Variants in FNBP1 observed in about 807,000 individuals in gnomAD.
The protein encoded by FNBP1 is formin binding protein 1, also known as formin-binding protein 1.
Under a neutral mutation model 90.6 loss-of-function variants are expected in FNBP1, and 26 were observed. The ratio of observed to expected loss-of-function variants is 0.29; its 90% CI spans 0.21 to 0.40. The LOEUF is 0.40. FNBP1 is among the 10% of genes least tolerant of loss of function. FNBP1 has a pLI of 1.00. For synonymous variants in FNBP1, 260 were observed against 265.2 expected, an observed-to-expected ratio of 0.98 and a Z score of 0.19; for missense variants, 635 against 768.0, an observed-to-expected ratio of 0.83 and a Z score of 2.05.
chr9:129,909,906 T>C (rs935979174), intron 11 of FNBP1, among the ~76,000 whole-genome samples: 2 of 152,216 alleles, frequency 1.3e-5, no homozygotes, highest in African/African-American at 4.8e-5. Flanking sequence ...TTTAGGCCTT[T>C]AGGAAGCCTC....
chr9:129,952,401 G>C (rs1481109829), intron 6 of FNBP1, among the ~76,000 whole-genome samples: 1 of 151,980 alleles, frequency 6.6e-6, no homozygotes, highest in African/African-American at 2.4e-5. Context: ...GGGAGGCTGA[G>C]GCAGGGGAAT....
intron 6 of FNBP1, chr9:129,933,562 C>T (rs993410400): frequency 6.6e-6 from 1 of 152,152 alleles, no homozygotes; most frequent in Admixed American, 6.5e-5. Context: ...CTGTGGAAGA[C>T]GCTGAATAAG....
chr9:130,043,864 G>A (rs961063467), upstream of FNBP1, among the ~76,000 whole-genome samples: 5 of 152,242 alleles, frequency 3.3e-5, no homozygotes, highest in Non-Finnish European at 5.9e-5. Context: ...AAGGCGTGGG[G>A]TACACAGATA....
intron 1 of FNBP1, among the ~76,000 whole-genome samples, chr9:130,001,216 C>T (rs1422884758): frequency 6.7e-6 from 1 of 149,966 alleles, no homozygotes; most frequent in African/African-American, 2.5e-5. Flanking sequence ...CCTGTAATAA[C>T]AGTTACTCGG....
At chr9:130,030,991 T>C (rs187606508) in intron 1 of FNBP1, among the ~76,000 whole-genome samples, 9 of 152,266 alleles carry the variant, frequency 5.9e-5, no homozygotes, top group Admixed American at 5.9e-4. Flanking sequence ...ACCTGTGGCC[T>C]ATATTTGATT....
intron 8 of FNBP1, 114 bp from the exon 9 acceptor site, chr9:129,925,271 C>G (rs1451300078): frequency 1.3e-6 from 1 of 778,322 alleles, no homozygotes; most frequent in Non-Finnish European, 2.1e-6. Context: ...CTCTGGGAGG[C>G]AGAGGCGGGT....
At chr9:130,050,812 G>T in the FNBP1 span, among the ~76,000 whole-genome samples, 1 of 72,312 alleles carries the variant, frequency 1.4e-5, no homozygotes, top group Admixed American at 1.9e-4. Context: ...GCTAATTTTT[G>T]TGTTTTTTTT....
At chr9:130,049,265 T>G in the FNBP1 span, among the ~76,000 whole-genome samples, 33 of 152,270 alleles carry the variant, frequency 2.2e-4, no homozygotes, top group African/African-American at 7.9e-4. Context: ...GGTGCACAAC[T>G]GTAATCCCAG....
chr9:129,998,992 G>A (rs777104299), intron 1 of FNBP1, among the ~76,000 whole-genome samples: 1 of 152,186 alleles, frequency 6.6e-6, no homozygotes, highest in Non-Finnish European at 1.5e-5. Flanking sequence ...TTGATGCTCT[G>A]TGAAACCTGA....
At position 129,902,693 on chromosome 9, in the gene FNBP1, G is replaced by A. The variant is rs189106781; in HGVS notation, c.1428+176C>T. ...CGATTAAGATAGGCTATGATGAGTAGGAGAATGTTCAACGGCGAAGAGTGT... is the reference window on the plus strand; with the variant it reads ...CGATTAAGATAGGCTATGATGAGTAAGAGAATGTTCAACGGCGAAGAGTGT... On this transcript the variant is annotated intron_variant, in intron 13 of 16. Transcript: ENST00000446176. Among the ~76,000 whole-genome samples the A allele has an allele frequency of 4.2e-3, 645 of 152,264 alleles. 4 individuals are homozygous for A. Among genetic ancestry groups the A allele is most frequent in the Non-Finnish European group, 7.3e-3 (496 of 68,012 alleles).
intron 11 of FNBP1, 150 bp downstream of exon 11, chr9:129,915,816 G>A (rs949720676): frequency 4.9e-6 from 3 of 607,806 alleles, no homozygotes; most frequent in East Asian, 2.8e-5. Flanking sequence ...TATCCAAGAA[G>A]TCTAATAAGG....
At chr9:130,027,240 A>G (rs993617867) in intron 1 of FNBP1, among the ~76,000 whole-genome samples, 1 of 152,222 alleles carries the variant, frequency 6.6e-6, no homozygotes, top group East Asian at 1.9e-4. Context: ...CAAGAACCTT[A>G]GAAAAAACTG....
intron 4 of FNBP1, among the ~76,000 whole-genome samples, chr9:129,962,081 C>A (rs915403888): frequency 6.6e-6 from 1 of 152,158 alleles, no homozygotes; most frequent in African/African-American, 2.4e-5. Context: ...GGAAACTGTA[C>A]CTGCAGCTTC....
chr9:129,972,287 C>A (rs1333173481), intron 4 of FNBP1, among the ~76,000 whole-genome samples: 2 of 151,926 alleles, frequency 1.3e-5, no homozygotes, highest in African/African-American at 2.4e-5. Flanking sequence ...GTGCCTGCCA[C>A]CACGCCCAGC....
chr9:130,025,645 C>T (rs1036085408), intron 1 of FNBP1, among the ~76,000 whole-genome samples: 3 of 152,186 alleles, frequency 2.0e-5, no homozygotes, highest in Non-Finnish European at 2.9e-5. Context: ...AATGGAAGGC[C>T]GGGCGCAGTG....
intron 6 of FNBP1, among the ~76,000 whole-genome samples, chr9:129,941,164 A>G (rs7871231): frequency 1 from 151,707 of 151,952 alleles, 75,731 homozygotes; most frequent in Middle Eastern, 1. Flanking sequence ...TGAGGCGGGC[A>G]GATCACCTGA....
intron 1 of FNBP1, among the ~76,000 whole-genome samples, chr9:130,015,115 T>C (rs965448429): frequency 6.6e-6 from 1 of 152,092 alleles, no homozygotes; most frequent in Non-Finnish European, 1.5e-5. Flanking sequence ...GTAAGCAACA[T>C]ATGCTGTTTC....
In FNBP1 at chr9:130,008,617, C is replaced by T. The variant is rs569878121; in HGVS notation, c.25-13659G>A. 2.0e-5 allele frequency among the ~76,000 whole-genome samples: 3 copies of T among 152,314 alleles called. No homozygotes were observed. The South Asian group carries it at 6.2e-4, about 32-fold the overall frequency. ...TTATTGTAAGCAAGAGGAGCTTAGT[C>T]AAGCCCCTCAGTGTCTGGCTTCAAC... On this transcript the variant is annotated intron_variant, in intron 1 of 16. Coordinates refer to ENST00000446176, the MANE Select transcript of FNBP1 (RefSeq NM_015033.3).
intron 6 of FNBP1, among the ~76,000 whole-genome samples, chr9:129,949,591 T>A (rs1003319643): frequency 6.6e-6 from 1 of 152,040 alleles, no homozygotes; most frequent in African/African-American, 2.4e-5. Context: ...GCCAGGCACA[T>A]TGGCTCACAC....
Sources: allele counts gnomAD v4.1 joint callset (sites outside exome capture counted in the v4.1 genomes callset), GRCh38; gene constraint gnomAD v4.1.1; transcripts MANE v1.5; gene names NCBI Gene and HGNC (gene_info 2026-07-23, HGNC 2026-07-21).